Variants in NEBL observed in about 807,000 individuals in gnomAD.
The protein encoded by NEBL is LIM and SH3 protein 2.
A neutral mutation model predicts 140.2 loss-of-function variants in NEBL; 122 were observed. The ratio of observed to expected loss-of-function variants is 0.87; its 90% CI spans 0.75 to 1.01. NEBL has a LOEUF of 1.01. Ranked by LOEUF, NEBL falls within the 50% of genes least tolerant of loss-of-function variation. The probability of loss-of-function intolerance (pLI) is 0.00; values close to 1 mark genes in which losing one functional copy is unlikely to be tolerated. For synonymous variants in NEBL, 436 were observed against 398.9 expected, an observed-to-expected ratio of 1.09 and a Z score of -1.11; for missense variants, 1,365 against 1,231.3, an observed-to-expected ratio of 1.11 and a Z score of -1.62.
chr10:21,142,144 C>T (rs1030162006), intron 2 of NEBL, among the ~76,000 whole-genome samples: 1 of 152,168 alleles, frequency 6.6e-6, no homozygotes, highest in African/African-American at 2.4e-5. Context: ...ATATAACCCA[C>T]TATTCCTAAG....
At chr10:21,062,256 C>T (rs1224025453) in intron 2 of NEBL, among the ~76,000 whole-genome samples, 3 of 151,860 alleles carry the variant, frequency 2.0e-5, no homozygotes, top group Non-Finnish European at 4.4e-5. Flanking sequence ...CACATCACAG[C>T]GTGAGAGACT....
intron 3 of NEBL, among the ~76,000 whole-genome samples, chr10:20,991,021 C>T (rs149663858): frequency 3.9e-5 from 6 of 152,270 alleles, no homozygotes; most frequent in African/African-American, 1.4e-4. Context: ...AATTAGCATC[C>T]CTAACACATA....
intron 2 of NEBL, among the ~76,000 whole-genome samples, chr10:20,891,028 T>C (rs1219454880): frequency 1.3e-5 from 2 of 152,224 alleles, no homozygotes; most frequent in Middle Eastern, 3.2e-3. Flanking sequence ...TGGAGCTGAA[T>C]TGTATATACT....
In NEBL at chr10:20,823,224, T is replaced by C. The variant is rs770416802; in HGVS notation, c.1946A>G (p.Gln649Arg). The C allele has an allele frequency of 8.5e-5, 136 of 1,606,144 alleles. No homozygotes were observed. Among genetic ancestry groups the C allele is most frequent in the Non-Finnish European group, 1.1e-4 (130 of 1,175,702 alleles). The change falls in exon 19 of 28, where the codon CAG (glutamine) becomes CGG (arginine). Residue 649 changes from glutamine (Q) to arginine (R), a missense_variant. This residue lies in a region of NEBL where 1,323 missense variants were observed against 1,154.8 expected (regional missense o/e 1.15). Transcript: ENST00000377122. ...PPELKRVKEN[Q>R]KNISNLQYKE... is the part of the protein sequence containing the mutation. ...TATGATCACATTGCTGATGTTCTTC[T>C]GGTTTTCTTTAACTCTCTTTAGTTC...
chr10:20,894,472 A>C (rs1270643220), intron 2 of NEBL, among the ~76,000 whole-genome samples: 2 of 152,006 alleles, frequency 1.3e-5, no homozygotes, highest in Admixed American at 1.3e-4. Context: ...GACTCTGTCC[A>C]GAAAAATAAA....
rs184631799 is a variant in NEBL at position 21,138,597 on chromosome 10, T to A, written c.164+33786A>T. ...ACACGACAAAAATGGGAAGTGTGAA[T>A]AATAAACATTATTTTAAAAAAACTA... On this transcript the variant is annotated intron_variant, in intron 2 of 6. Transcript: ENST00000417816. 1.5e-3 allele frequency among the ~76,000 whole-genome samples: 232 copies of A among 152,120 alleles called. 2 individuals carry two copies. Among genetic ancestry groups the A allele is most frequent in the African/African-American group, 5.3e-3 (218 of 41,500 alleles).
At chr10:21,290,756 T>C (rs1843131338) in intron 1 of NEBL, among the ~76,000 whole-genome samples, 2 of 152,198 alleles carry the variant, frequency 1.3e-5, no homozygotes, top group South Asian at 2.1e-4. Context: ...TTTGGGCTCA[T>C]CCAATTCCCT....
intron 2 of NEBL, among the ~76,000 whole-genome samples, chr10:21,051,250 T>C (rs525350): frequency 0.48 from 72,898 of 152,050 alleles, 20,146 homozygotes; most frequent in Non-Finnish European, 0.61. Flanking sequence ...TTATTGTAAT[T>C]CTCATTTGTA....
intron 4 of NEBL, among the ~76,000 whole-genome samples, chr10:20,922,228 A>G (rs1833623726): frequency 6.6e-6 from 1 of 152,166 alleles, no homozygotes; most frequent in Non-Finnish European, 1.5e-5. Context: ...TGAGAATTAA[A>G]TGATTCTGTG....
intron 4 of NEBL, among the ~76,000 whole-genome samples, chr10:20,960,393 A>G (rs1835996624): frequency 6.6e-6 from 1 of 152,046 alleles, no homozygotes; most frequent in Non-Finnish European, 1.5e-5. Context: ...TGACTGATGG[A>G]TTGCTGGGAT....
intron 2 of NEBL, chr10:21,030,266 A>G: frequency 1.6e-6 from 1 of 610,988 alleles, no homozygotes; most frequent in Non-Finnish European, 2.9e-6. Context: ...GAGGCACCCA[A>G]GCTGGCGAAG....
At chr10:20,792,247 A>G (rs1009306179) in intron 26 of NEBL, among the ~76,000 whole-genome samples, 3 of 152,212 alleles carry the variant, frequency 2.0e-5, no homozygotes, top group African/African-American at 7.2e-5. Flanking sequence ...GAAAAAATCC[A>G]GAAAAAGGGA....
Position 20,812,884 on chromosome 10 carries a change from C to T in NEBL, c.2403G>A (p.Val801=). Residue 801 remains valine (V), a synonymous_variant, in exon 24 of 28, where the codon GTG becomes GTA. Transcript: ENST00000377122. ...TCACTCTCTCTGTCACAGGATCGTC[C>T]ACGACGGGAGTAAAGCCTCTCCCCT... ...KTKGRGFTPV[V]DDPVTERVRK... is the part of the protein sequence containing the mutation. 1 of 1,613,964 alleles carries T rather than the reference C, an allele frequency of 6.2e-7. No individual in the cohort carries two copies. The highest frequency in any genetic ancestry group is 8.5e-7 in the Non-Finnish European group (1 of 1,179,924).
At chr10:21,057,946 T>A (rs958469622) in intron 2 of NEBL, among the ~76,000 whole-genome samples, 1 of 152,182 alleles carries the variant, frequency 6.6e-6, no homozygotes, top group South Asian at 2.1e-4. Flanking sequence ...CATATAATCG[T>A]GAACACCAGC....
intron 26 of NEBL, among the ~76,000 whole-genome samples, chr10:20,788,028 AGT>A (rs1274851418): frequency 1.3e-5 from 2 of 152,196 alleles, no homozygotes; most frequent in African/African-American, 4.8e-5. Context: ...GTATTCATTT[AGT>A]ATGTGCTCTC....
At chr10:20,909,968 C>T (rs1402450129) in intron 4 of NEBL, among the ~76,000 whole-genome samples, 2 of 152,072 alleles carry the variant, frequency 1.3e-5, no homozygotes, top group Admixed American at 6.6e-5. Context: ...TAAATATGTC[C>T]TTTGTATTTC....
At chr10:21,099,431 C>G (rs1837365058) in intron 2 of NEBL, among the ~76,000 whole-genome samples, 1 of 152,122 alleles carries the variant, frequency 6.6e-6, no homozygotes, top group African/African-American at 2.4e-5. Flanking sequence ...CATCTGGAGT[C>G]GGTTTTCAGT....
At chr10:20,858,145 C>T (rs1843275204) in intron 9 of NEBL, 95 bp downstream of exon 9, 2 of 949,678 alleles carry the variant, frequency 2.1e-6, no homozygotes, top group Non-Finnish European at 3.4e-6. Context: ...AGGCACAGGC[C>T]TTCTAAGGAA....
chr10:20,873,836 A>G (rs1286118334), intron 5 of NEBL, among the ~76,000 whole-genome samples: 1 of 152,200 alleles, frequency 6.6e-6, no homozygotes, highest in Non-Finnish European at 1.5e-5. Flanking sequence ...GAAAAATGAT[A>G]TCATAACAAA....
Sources: allele counts gnomAD v4.1 joint callset (sites outside exome capture counted in the v4.1 genomes callset), GRCh38; gene constraint gnomAD v4.1.1; regional missense constraint gnomAD v4.1.1; transcripts MANE v1.5; gene names NCBI Gene and HGNC (gene_info 2026-07-23, HGNC 2026-07-21).